Variants in TEX50 observed in about 807,000 individuals in gnomAD.
TEX50 encodes the protein testis-expressed protein 50.
A neutral mutation model predicts 9.8 loss-of-function variants in TEX50; 3 were observed. That is an observed-to-expected ratio of 0.31 (90% CI 0.14 to 0.79). The LOEUF (loss-of-function observed/expected upper bound fraction) is 0.79. TEX50 is among the 30% of genes least tolerant of loss of function. The pLI, the probability that TEX50 is intolerant of heterozygous loss-of-function variation, is 0.63. For synonymous variants in TEX50, 61 were observed against 72.1 expected (o/e 0.85, Z 0.78); for missense variants, 164 against 199.3 (o/e 0.82, Z 1.07).
intron 1 of TEX50, among the ~76,000 whole-genome samples, chr1:173,636,373 C>A (rs903346333): frequency 2.6e-5 from 4 of 152,088 alleles, no homozygotes; most frequent in Non-Finnish European, 4.4e-5. Flanking sequence ...TAGATGACAC[C>A]ATAGTTTGAG....
chr1:173,635,369 T>C lies in TEX50; in HGVS notation c.-153T>C. 1.6e-6 allele frequency: 1 copy of C among 627,638 alleles called. No homozygotes were observed. Among genetic ancestry groups the C allele is most frequent in the Non-Finnish European group, 2.7e-6 (1 of 369,544 alleles). 38.9% of individuals were successfully genotyped at this position (627,638 alleles called of 1,614,324 possible). A position where few individuals can be genotyped will look rare whatever the true frequency, so the allele number is the denominator to read the frequency against. On this transcript the variant is annotated 5_prime_UTR_variant, in exon 1 of 2. Transcript: ENST00000417563. ...TGCTGACTGGCAAGGTTATATGAAGTGCTTTTATTGAAGCACCATTTTAAC... is the reference window on the plus strand; with the variant it reads ...TGCTGACTGGCAAGGTTATATGAAGCGCTTTTATTGAAGCACCATTTTAAC...
chr1:173,635,506 C>T lies in TEX50; in HGVS notation c.-16C>T, dbSNP rs1239477760. The T allele has an allele frequency of 6.8e-7, 1 of 1,465,526 alleles. No individual in the cohort carries two copies. Among genetic ancestry groups the T allele is most frequent in the Non-Finnish European group, 9.0e-7 (1 of 1,112,338 alleles). 90.8% of individuals were successfully genotyped at this position (1,465,526 alleles called of 1,614,324 possible). A position where few individuals can be genotyped will look rare whatever the true frequency, so the allele number is the denominator to read the frequency against. On this transcript the variant is annotated 5_prime_UTR_variant, in exon 1 of 2. Coordinates refer to ENST00000417563, the MANE Select transcript of TEX50 (RefSeq NM_001195190.3). ...AGCTAAATTTTAGCTACTTTTTTTT[C>T]AATTGACAAAGAAGGATGTCTAATC...
chr1:173,637,057 A>G lies in TEX50; in HGVS notation c.*21A>G. ...ACTAAATAAATGCATATGCAAATGT[A>G]GCTTAGTCAATTATAGATATCACAA... is the stretch of plus-strand genomic sequence containing the variant. On this transcript the variant is annotated 3_prime_UTR_variant, in exon 2 of 2. Transcript: ENST00000417563. The G allele has an allele frequency of 7.1e-7, 1 of 1,408,208 alleles. No homozygotes were observed. Among genetic ancestry groups the G allele is most frequent in the Non-Finnish European group, 9.7e-7 (1 of 1,032,872 alleles). The allele number at this position is 1,408,208 out of a possible 1,614,324, so 87.2% of individuals were successfully genotyped here. A position where few individuals can be genotyped will look rare whatever the true frequency, so the allele number is the denominator to read the frequency against.
At chr1:173,635,883 T>C in intron 1 of TEX50, 38 bp downstream of exon 1, 2 of 1,403,434 alleles carry the variant, frequency 1.4e-6, no homozygotes, top group South Asian at 1.3e-5. Context: ...TTACAAAATC[T>C]CTAAGGGTTT....
intron 1 of TEX50, 29 bp from the exon 2 acceptor site, chr1:173,636,798 T>TA (rs1668464733): frequency 6.8e-7 from 1 of 1,472,358 alleles, no homozygotes; most frequent in South Asian, 1.2e-5. Flanking sequence ...TTTATGTAGA[T>TA]AAAATCTGTA....
intron 1 of TEX50, among the ~76,000 whole-genome samples, chr1:173,636,371 A>G (rs1668442544): frequency 6.6e-6 from 1 of 152,220 alleles, no homozygotes; most frequent in Non-Finnish European, 1.5e-5. Flanking sequence ...AATAGATGAC[A>G]CCATAGTTTG....
At chr1:173,636,338 A>G (rs867688513) in intron 1 of TEX50, among the ~76,000 whole-genome samples, 46 of 152,200 alleles carry the variant, frequency 3.0e-4, no homozygotes, top group African/African-American at 9.9e-4. Flanking sequence ...CTTTTAAACT[A>G]TTACATAATT....
rs965483703 is a variant in TEX50, at chr1:173,635,755, C to T, written c.234C>T (p.Leu78=). ...NMDIFQGCLY[L]IYNLLQAVFF... is the part of the protein sequence containing the mutation. ...ATATATTTCAGGGTTGTTTATATCT[C>T]ATTTATAATTTATTACAAGCTGTCT... The change falls in exon 1 of 2, where the codon CTC becomes CTT. Residue 78 remains leucine (L), a synonymous_variant. Transcript: ENST00000417563. 5 of 1,535,180 alleles carry T rather than the reference C, an allele frequency of 3.3e-6. No individual in the cohort carries two copies. In the Admixed American group the frequency reaches 9.8e-5, roughly 30 times the overall value.
At position 173,636,732 on chromosome 1, in the gene TEX50, C is replaced by T. The variant is rs570093127; in HGVS notation, c.325-95C>T. Reference sequence around the variant, plus strand: ...ATAAGGTTTGTTTACATATTTAGAACATAAATTTAATTTGAACTATATTAT... The same window carrying T: ...ATAAGGTTTGTTTACATATTTAGAATATAAATTTAATTTGAACTATATTAT... On this transcript the variant is annotated intron_variant, in intron 1 of 1. Transcript: ENST00000417563. The T allele has an allele frequency of 2.1e-4, 188 of 881,664 alleles. 2 individuals carry two copies. The highest frequency in any genetic ancestry group is 3.9e-5 in the Non-Finnish European group (23 of 595,464). The allele number at this position is 881,664 out of a possible 1,614,324, so 54.6% of individuals were successfully genotyped here. A position where few individuals can be genotyped will look rare whatever the true frequency, so the allele number is the denominator to read the frequency against.
chr1:173,635,903 T>C, intron 1 of TEX50, 58 bp downstream of exon 1: 1 of 1,249,552 alleles, frequency 8.0e-7, no homozygotes, highest in Non-Finnish European at 1.1e-6. Flanking sequence ...TAGAACATAA[T>C]ATTACTAGTT....
Position 173,636,846 on chromosome 1 carries a change from T to C in TEX50, c.344T>C (p.Leu115Ser). The change falls in exon 2 of 2, where the codon TTA (leucine) becomes TCA (serine). Residue 115 changes from leucine (L) to serine (S), a missense_variant. Leu to Ser is a moderately radical substitution (Grantham distance 145). This residue lies in a region of TEX50 where 135 missense variants were observed against 154.2 expected (regional missense o/e 0.88). Transcript: ENST00000417563. ...HQKKLKKQAS[L>S]EKPGNDLESP... ...TTTTAGCTGAAAAAGCAAGCCTCCT[T>C]AGAAAAACCTGGTAATGATCTAGAA... 1 of 1,535,592 alleles carries C rather than the reference T, an allele frequency of 6.5e-7. No homozygotes were observed. The highest frequency in any genetic ancestry group is 2.0e-5 in the Admixed American group (1 of 50,970).
In TEX50 at chr1:173,635,672, C is replaced by G. The variant is rs1311843010; in HGVS notation, c.151C>G (p.Pro51Ala). The G allele has an allele frequency of 6.5e-7, 1 of 1,535,644 alleles. No individual in the cohort carries two copies. Among genetic ancestry groups the G allele is most frequent in the South Asian group, 1.2e-5 (1 of 84,042 alleles). The change falls in exon 1 of 2, where the codon CCA becomes GCA. Residue 51 changes from proline (P) to alanine (A), a missense_variant. By Grantham distance (27) the Pro-to-Ala change is conservative. Coordinates refer to ENST00000417563, the MANE Select transcript of TEX50 (RefSeq NM_001195190.3). ...ACATTATTGGAAAGTTAAGGGTTCTCCATCTCACTGCCTGCCTTATCTTCT... is the reference window on the plus strand; with the variant it reads ...ACATTATTGGAAAGTTAAGGGTTCTGCATCTCACTGCCTGCCTTATCTTCT... The part of the protein sequence containing the change: ...EVHYWKVKGS[P>A]SHCLPYLLDK...
chr1:173,636,458 A>T (rs189101400), intron 1 of TEX50, among the ~76,000 whole-genome samples: 33 of 152,266 alleles, frequency 2.2e-4, no homozygotes, highest in Admixed American at 1.6e-3. Context: ...GATATTTATA[A>T]ATGTTTTCTT....
At chr1:173,636,073 A>G (rs1347081796) in intron 1 of TEX50, among the ~76,000 whole-genome samples, 1 of 152,124 alleles carries the variant, frequency 6.6e-6, no homozygotes, top group Admixed American at 6.5e-5. Flanking sequence ...CTCTACTTCA[A>G]GTTACAAAAC....
In TEX50 at chr1:173,635,767, AT is replaced by A; in HGVS notation, c.248del (p.Leu83TyrfsTer27). The A allele has an allele frequency of 6.5e-7, 1 of 1,535,520 alleles. No homozygotes were observed. Among genetic ancestry groups the A allele is most frequent in the Non-Finnish European group, 8.7e-7 (1 of 1,146,448 alleles). On this transcript the variant is annotated frameshift_variant, in exon 1 of 2. Coordinates refer to ENST00000417563, the MANE Select transcript of TEX50 (RefSeq NM_001195190.3). LOFTEE classifies it high-confidence loss of function. ...QGCLYLIYNLLQAVFFVLFVL... is the reference protein window; with the variant it reads ...QGCLYLIYNLXQAVFFVLFVL... Reference sequence around the variant, plus strand: ...GTTGTTTATATCTCATTTATAATTTATTACAAGCTGTCTTCTTCGTCTTATT... The same window carrying A: ...GTTGTTTATATCTCATTTATAATTTATACAAGCTGTCTTCTTCGTCTTATT...
intron 1 of TEX50, 76 bp from the exon 2 acceptor site, chr1:173,636,751 A>G: frequency 9.8e-7 from 1 of 1,019,258 alleles, no homozygotes; most frequent in Non-Finnish European, 1.4e-6. Context: ...AATTTGAACT[A>G]TATTATTAAC....
chr1:173,637,006 G>A lies in TEX50; in HGVS notation c.504G>A (p.Lys168=), dbSNP rs756010933. Residue 168 remains lysine (K), a synonymous_variant, in exon 2 of 2, where the codon AAG becomes AAA. Coordinates refer to ENST00000417563, the MANE Select transcript of TEX50 (RefSeq NM_001195190.3). ...TTAAGCACTGCAAATTAAAGAAGAA[G>A]AGTAAAGAAGAAGGAGCCAGAAGAT... ...KKIKHCKLKK[K]SKEEGARRY is the part of the protein sequence containing the mutation. 2 of 1,534,680 alleles carry A rather than the reference G, an allele frequency of 1.3e-6. No homozygotes were observed. The highest frequency in any genetic ancestry group is 2.4e-5 in the South Asian group (2 of 84,008).
chr1:173,636,483 T>TATTA (rs1668448803), intron 1 of TEX50, among the ~76,000 whole-genome samples: 1 of 152,204 alleles, frequency 6.6e-6, no homozygotes, highest in Non-Finnish European at 1.5e-5. Context: ...TTAAAATGAC[T>TATTA]ATTACTTTAT....
Position 173,636,932 on chromosome 1 carries a change from A to T in TEX50, c.430A>T (p.Ile144Leu). 1.3e-6 allele frequency: 2 copies of T among 1,535,832 alleles called. No individual in the cohort carries two copies. Among genetic ancestry groups the T allele is most frequent in the Non-Finnish European group, 1.7e-6 (2 of 1,146,704 alleles). ...CAGAGTGGCAACCACAGCATCAGTG[A>T]TATACAAGATCTGGGAGCACAGGTC... ...LHRVATTASV[I>L]YKIWEHRSHH... Residue 144 changes from isoleucine (I) to leucine (L), a missense_variant, in exon 2 of 2, where the codon ATA becomes TTA. Around this residue, in one of 3 missense-constraint regions of TEX50, gnomAD observed 135 missense variants for 154.2 expected, o/e 0.88. Transcript: ENST00000417563.
Sources: gnomAD v4.1 joint callset for allele counts (sites outside exome capture counted in the v4.1 genomes callset) on GRCh38, gnomAD v4.1.1 for gene constraint, gnomAD v4.1.1 regional missense constraint, MANE v1.5 for transcripts, NCBI Gene and HGNC (gene_info 2026-07-23, HGNC 2026-07-21) for gene names.